TRAPPC4: variants seen among roughly 807,000 people sequenced by gnomAD.
The protein encoded by TRAPPC4 is trafficking protein particle complex subunit 4.
In TRAPPC4, 30 loss-of-function variants were observed where a neutral mutation model predicts 23.5. That is an observed-to-expected ratio of 1.28 (90% confidence interval 0.96 to 1.73). The LOEUF is 1.73. TRAPPC4 is among the 40% of genes most tolerant of loss of function. The pLI is 0.00. For synonymous variants in TRAPPC4, 129 were observed against 105.3 expected (o/e 1.23, Z -1.38); for missense variants, 252 against 268.9 (o/e 0.94, Z 0.44).
At chr11:119,022,590 A>T (rs1227365171) in intron 4 of TRAPPC4, among the ~76,000 whole-genome samples, 2 of 151,704 alleles carry the variant, frequency 1.3e-5, no homozygotes. Flanking sequence ...CGTGTCTCTA[A>T]ATAAATAAGA....
At chr11:119,021,627 A>T (rs1405582646) in intron 3 of TRAPPC4, 133 bp from the exon 4 acceptor site, 3 of 955,028 alleles carry the variant, frequency 3.1e-6, no homozygotes, top group African/African-American at 3.3e-5. Flanking sequence ...TTCCTGCATT[A>T]TGTGGTAAAA....
chr11:119,022,037 T>C lies in TRAPPC4; in HGVS notation c.581+151T>C, dbSNP rs984471681. 5.8e-5 allele frequency: 58 copies of C among 1,004,178 alleles called. 1 individual carries two copies. The Middle Eastern group carries it at 2.5e-3, about 43-fold the overall frequency. The allele number at this position is 1,004,178 out of a possible 1,614,324, so 62.2% of individuals were successfully genotyped here. ...TTCGCTCTTGTTGCCCAGGCTGGAG[T>C]GCAATGATGCGATCTTGGCTCGCTG... On this transcript the variant is annotated intron_variant, in intron 4 of 4. Coordinates refer to ENST00000533632, the MANE Select transcript of TRAPPC4 (RefSeq NM_016146.6).
intron 4 of TRAPPC4, among the ~76,000 whole-genome samples, chr11:119,022,408 T>C (rs1189613284): frequency 2.0e-5 from 3 of 150,524 alleles, no homozygotes; most frequent in African/African-American, 7.4e-5. Flanking sequence ...CTGGACAACA[T>C]AGAACCCCAT....
intron 4 of TRAPPC4, 97 bp from the exon 5 acceptor site, chr11:119,023,224 C>G: frequency 4.2e-6 from 5 of 1,185,370 alleles, no homozygotes; most frequent in Non-Finnish European, 6.3e-6. Context: ...CTCAGCCTTC[C>G]ATGATATATG....
rs782653917 is a variant in TRAPPC4 at position 119,018,834 on chromosome 11, C to G, written c.39C>G (p.Gly13=). 3 of 1,614,216 alleles carry G rather than the reference C, an allele frequency of 1.9e-6. No individual in the cohort carries two copies. In the Admixed American group the frequency reaches 5.0e-5, roughly 27 times the overall value. Reference sequence around the variant, plus strand: ...GTGTGTATGTGGTGAACAAAGCTGGCGGCTTGATTTACCAGTTGGACAGCT... The same window carrying G: ...GTGTGTATGTGGTGAACAAAGCTGGGGGCTTGATTTACCAGTTGGACAGCT... ...IFSVYVVNKA[G]GLIYQLDSYA... is the part of the protein sequence containing the mutation. Residue 13 remains glycine, a synonymous_variant, in exon 1 of 5, where the codon GGC becomes GGG. Transcript: ENST00000533632.
intron 4 of TRAPPC4, chr11:119,023,047 C>A (rs928692845): frequency 4.3e-6 from 1 of 230,884 alleles, no homozygotes; most frequent in Non-Finnish European, 8.7e-6. Flanking sequence ...TCACCACAAC[C>A]TCTGCCTTCC....
chr11:119,018,846 C>A lies in TRAPPC4; in HGVS notation c.51C>A (p.Tyr17Ter). 6.2e-7 allele frequency: 1 copy of A among 1,614,216 alleles called. No homozygotes were observed. Among genetic ancestry groups the A allele is most frequent in the Admixed American group, 1.7e-5 (1 of 60,032 alleles). The change falls in exon 1 of 5, where the codon TAC becomes TAA. Residue 17 changes from tyrosine (Y) to a stop codon, truncating the protein, a stop_gained. Transcript: ENST00000533632. LOFTEE classifies it high-confidence loss of function. ...TGAACAAAGCTGGCGGCTTGATTTA[C>A]CAGTTGGACAGCTACGCGCCACGGG... is the stretch of plus-strand genomic sequence containing the variant. ...YVVNKAGGLI[Y>*]QLDSYAPRAE...
At chr11:119,022,968 T>TTTG (rs1555189819) in intron 4 of TRAPPC4, 2 of 142,292 alleles carry the variant, frequency 1.4e-5, no homozygotes, top group African/African-American at 5.2e-5. Context: ...TTTTTTTTTT[T>TTTG]TTTTTTTTTT....
intron 1 of TRAPPC4, 49 bp from the exon 2 acceptor site, chr11:119,019,094 C>T: frequency 1.3e-6 from 2 of 1,599,060 alleles, no homozygotes; most frequent in South Asian, 1.1e-5. Flanking sequence ...GTCCCCTCGG[C>T]GGAATCCCCG....
chr11:119,018,870 G>A lies in TRAPPC4; in HGVS notation c.75G>A (p.Arg25=), dbSNP rs782029261. Reference sequence around the variant, plus strand: ...ACCAGTTGGACAGCTACGCGCCACGGGCTGAGGCTGAGAAAACTTTCAGTT... The same window carrying A: ...ACCAGTTGGACAGCTACGCGCCACGAGCTGAGGCTGAGAAAACTTTCAGTT... The part of the protein sequence containing the change: ...LIYQLDSYAP[R]AEAEKTFSYP... The change falls in exon 1 of 5, where the codon CGG becomes CGA. Residue 25 remains arginine (R), a synonymous_variant. Coordinates refer to ENST00000533632, the MANE Select transcript of TRAPPC4 (RefSeq NM_016146.6). 3 of 1,614,106 alleles carry A rather than the reference G, an allele frequency of 1.9e-6. No homozygotes were observed. The highest frequency in any genetic ancestry group is 2.5e-6 in the Non-Finnish European group (3 of 1,180,048).
chr11:119,021,463 C>G (rs1943356426), intron 3 of TRAPPC4: 1 of 266,786 alleles, frequency 3.7e-6, no homozygotes, highest in South Asian at 5.6e-5. Flanking sequence ...AACTGCCTGA[C>G]TTTGTCCCCT....
rs1324300427 is a variant in TRAPPC4, at chr11:119,018,872, C to T, written c.77C>T (p.Ala26Val). The change falls in exon 1 of 5, where the codon GCT becomes GTT. Residue 26 changes from alanine (A) to valine (V), a missense_variant. By Grantham distance (64) the Ala-to-Val change is moderately conservative. Coordinates refer to ENST00000533632, the MANE Select transcript of TRAPPC4 (RefSeq NM_016146.6). ...CAGTTGGACAGCTACGCGCCACGGG[C>T]TGAGGCTGAGAAAACTTTCAGTTAT... Reference protein sequence around the residue: ...IYQLDSYAPRAEAEKTFSYPL... With the variant: ...IYQLDSYAPRVEAEKTFSYPL... 2 of 1,614,216 alleles carry T rather than the reference C, an allele frequency of 1.2e-6. No individual in the cohort carries two copies. The highest frequency in any genetic ancestry group is 1.7e-6 in the Non-Finnish European group (2 of 1,180,042).
At chr11:119,019,094 C>G in intron 1 of TRAPPC4, 49 bp from the exon 2 acceptor site, 1 of 1,599,062 alleles carries the variant, frequency 6.3e-7, no homozygotes. Context: ...GTCCCCTCGG[C>G]GGAATCCCCG....
intron 2 of TRAPPC4, 86 bp downstream of exon 2, chr11:119,019,403 C>A: frequency 1.4e-6 from 2 of 1,413,648 alleles, no homozygotes. Context: ...AAAAACGCAA[C>A]CGATCCAGAT....
chr11:119,021,901 T>C lies in TRAPPC4; in HGVS notation c.581+15T>C. The C allele has an allele frequency of 6.2e-7, 1 of 1,613,922 alleles. No individual in the cohort carries two copies. Among genetic ancestry groups the C allele is most frequent in the South Asian group, 1.1e-5 (1 of 91,066 alleles). On this transcript the variant is annotated intron_variant, in intron 4 of 4. Coordinates refer to ENST00000533632, the MANE Select transcript of TRAPPC4 (RefSeq NM_016146.6). The stretch of plus-strand genomic sequence containing the variant: ...ATGCCTATCAGGTAAGTGGCCCCAC[T>C]TCCCAGATACTGTTTAAAGCGTCCT...
In TRAPPC4 at chr11:119,020,130, T is replaced by C. The variant is rs553902895; in HGVS notation, c.351-20T>C. 7 of 1,598,932 alleles carry C rather than the reference T, an allele frequency of 4.4e-6. No homozygotes were observed. The African/African-American group carries it at 8.0e-5, about 18-fold the overall frequency. ...AGAAGCACTCCTTCCTTAGAGCAACTTTGCCTCCTTTGCATATAGGCTCTT... is the reference window on the plus strand; with the variant it reads ...AGAAGCACTCCTTCCTTAGAGCAACCTTGCCTCCTTTGCATATAGGCTCTT... On this transcript the variant is annotated intron_variant, in intron 2 of 4. Coordinates refer to ENST00000533632, the MANE Select transcript of TRAPPC4 (RefSeq NM_016146.6).
intron 1 of TRAPPC4, 58 bp downstream of exon 1, chr11:119,019,028 A>G: frequency 1.3e-6 from 2 of 1,592,840 alleles, no homozygotes; most frequent in Non-Finnish European, 1.7e-6. Context: ...AGTGCTGTAG[A>G]AGTGGGCTGG....
At position 119,018,978 on chromosome 11, in the gene TRAPPC4, A is replaced by G. The variant is rs560620358; in HGVS notation, c.175+8A>G. On this transcript the variant is annotated splice_region_variant and intron_variant, in intron 1 of 4. Transcript: ENST00000533632. Reference sequence around the variant, plus strand: ...AGCGGGACGGCATCCGAGGTGGGCTAGGCTCGGGCCCGTGGCGGGTGCGGG... The same window carrying G: ...AGCGGGACGGCATCCGAGGTGGGCTGGGCTCGGGCCCGTGGCGGGTGCGGG... 1 of 1,610,186 alleles carries G rather than the reference A, an allele frequency of 6.2e-7. No homozygotes were observed. Among genetic ancestry groups the G allele is most frequent in the East Asian group, 2.2e-5 (1 of 44,838 alleles).
At chr11:119,020,703 CTTT>C (rs1180500800) in intron 3 of TRAPPC4, 28 of 113,004 alleles carry the variant, frequency 2.5e-4, no homozygotes, top group South Asian at 1.4e-3. Flanking sequence ...ACCCACAGTT[CTTT>C]TTTTTTTTTT....
Sources: allele counts gnomAD v4.1 joint callset (sites outside exome capture counted in the v4.1 genomes callset), GRCh38; gene constraint gnomAD v4.1.1; transcripts MANE v1.5; gene names NCBI Gene and HGNC (gene_info 2026-07-23, HGNC 2026-07-21).